CCSER1: variants seen among roughly 807,000 people sequenced by gnomAD.
CCSER1 encodes serine-rich coiled-coil domain-containing protein 1.
A neutral mutation model predicts 82.0 loss-of-function variants in CCSER1; 41 were observed. The ratio of observed to expected loss-of-function variants is 0.50; its 90% CI spans 0.39 to 0.65. CCSER1 has a LOEUF of 0.65. CCSER1 is among the 30% of genes least tolerant of loss of function. The probability of loss-of-function intolerance (pLI) is 0.00; values close to 1 mark genes in which losing one functional copy is unlikely to be tolerated. For synonymous variants in CCSER1, 414 were observed against 383.9 expected (o/e 1.08, Z -0.92); for missense variants, 1,119 against 1,064.2 (o/e 1.05, Z -0.72).
At chr4:91,325,065 G>A in intron 10 of CCSER1, 1 of 422,042 alleles carries the variant, frequency 2.4e-6, no homozygotes, top group South Asian at 1.7e-5. Flanking sequence ...GGGGCAAGGG[G>A]CTTGGGGCCC....
chr4:91,086,489 T>C (rs982582657), intron 10 of CCSER1, among the ~76,000 whole-genome samples: 5 of 152,072 alleles, frequency 3.3e-5, no homozygotes, highest in African/African-American at 1.2e-4. Context: ...TAACTGAATG[T>C]GAAGACTTAA....
intron 7 of CCSER1, among the ~76,000 whole-genome samples, chr4:90,756,856 A>G (rs1749611311): frequency 6.6e-6 from 1 of 152,200 alleles, no homozygotes; most frequent in South Asian, 2.1e-4. Context: ...TTCATGAAGT[A>G]CTTCTTGAAA....
At chr4:90,643,831 A>G (rs13140506) in intron 6 of CCSER1, among the ~76,000 whole-genome samples, 20,130 of 152,122 alleles carry the variant, frequency 0.13, 1,765 homozygotes, top group East Asian at 0.33. Context: ...AATCATATAA[A>G]TGTTGTTGTA....
chr4:90,463,178 T>C (rs940254543), intron 4 of CCSER1, among the ~76,000 whole-genome samples: 1 of 152,248 alleles, frequency 6.6e-6, no homozygotes, highest in African/African-American at 2.4e-5. Flanking sequence ...AATAATGTGG[T>C]TGTAAAACCA....
At chr4:91,428,201 A>G (rs1201104717) in intron 10 of CCSER1, among the ~76,000 whole-genome samples, 1 of 152,006 alleles carries the variant, frequency 6.6e-6, no homozygotes, top group African/African-American at 2.4e-5. Flanking sequence ...TCATCCATCC[A>G]CTTACAATAT....
At chr4:91,085,869 A>C (rs1439143165) in intron 9 of CCSER1, 81 bp from the exon 10 acceptor site, 2 of 818,488 alleles carry the variant, frequency 2.4e-6, no homozygotes, top group Non-Finnish European at 4.0e-6. Flanking sequence ...TATTTCCTTT[A>C]TTTCAAAATT....
intron 10 of CCSER1, among the ~76,000 whole-genome samples, chr4:91,588,652 T>G (rs1024395367): frequency 6.6e-6 from 1 of 151,784 alleles, no homozygotes; most frequent in Non-Finnish European, 1.5e-5. Context: ...AGTATTCTTT[T>G]GATGTTTTAA....
At chr4:90,907,905 A>G (rs540519771) in intron 8 of CCSER1, among the ~76,000 whole-genome samples, 3 of 152,228 alleles carry the variant, frequency 2.0e-5, no homozygotes, top group Non-Finnish European at 4.4e-5. Context: ...TTAACTTCCA[A>G]TAGCAAATGT....
At position 90,923,449 on chromosome 4, in the gene CCSER1, T is replaced by A; in HGVS notation, c.2172+2T>A. The A allele has an allele frequency of 6.5e-7, 1 of 1,546,328 alleles. No individual in the cohort carries two copies. The highest frequency in any genetic ancestry group is 8.8e-7 in the Non-Finnish European group (1 of 1,142,256). On this transcript the variant is annotated splice_donor_variant, in intron 9 of 10. Transcript: ENST00000509176. LOFTEE classifies it high-confidence loss of function. ...CAGACTGAACTACTATGCTATGATGTAAGTAGCTCTGTAAAACCATTTTTA... is the reference window on the plus strand; with the variant it reads ...CAGACTGAACTACTATGCTATGATGAAAGTAGCTCTGTAAAACCATTTTTA...
chr4:91,599,205 A>G lies in CCSER1; in HGVS notation c.*148A>G. 9.6e-7 allele frequency: 1 copy of G among 1,042,308 alleles called. No individual in the cohort carries two copies. 64.6% of individuals were successfully genotyped at this position (1,042,308 alleles called of 1,614,324 possible). On this transcript the variant is annotated 3_prime_UTR_variant, in exon 11 of 11. Transcript: ENST00000509176. Reference sequence around the variant, plus strand: ...TGGGTTTTTTTTCTTAGTCATAAACAAAGACTTGTGGGTTTTTTTTTTCCA... The same window carrying G: ...TGGGTTTTTTTTCTTAGTCATAAACGAAGACTTGTGGGTTTTTTTTTTCCA...
chr4:90,662,352 A>G (rs1481773885), intron 6 of CCSER1, among the ~76,000 whole-genome samples: 1 of 151,972 alleles, frequency 6.6e-6, no homozygotes. Flanking sequence ...GAAAACATTA[A>G]TGTTCTGATA....
intron 10 of CCSER1, among the ~76,000 whole-genome samples, chr4:91,518,079 C>T (rs774153993): frequency 3.9e-5 from 6 of 152,318 alleles, no homozygotes; most frequent in Non-Finnish European, 5.9e-5. Context: ...ACTCCTCTTT[C>T]TCTTGAGTGC....
chr4:91,088,546 T>C (rs918084007), intron 10 of CCSER1, among the ~76,000 whole-genome samples: 2 of 152,184 alleles, frequency 1.3e-5, no homozygotes, highest in Admixed American at 6.5e-5. Context: ...GAAATAGAGA[T>C]AGGTAACACC....
At chr4:91,260,905 C>T (rs541639425) in intron 10 of CCSER1, among the ~76,000 whole-genome samples, 28 of 152,160 alleles carry the variant, frequency 1.8e-4, no homozygotes, top group Admixed American at 1.5e-3. Context: ...GGACTACAGG[C>T]GCCCGCTACC....
intron 10 of CCSER1, among the ~76,000 whole-genome samples, chr4:91,170,897 C>G (rs916112025): frequency 3.3e-5 from 5 of 152,190 alleles, no homozygotes; most frequent in Admixed American, 6.5e-5. Flanking sequence ...GTTATATGAT[C>G]TTTATCTTCC....
chr4:91,026,988 A>C (rs1162935092), intron 9 of CCSER1, among the ~76,000 whole-genome samples: 2 of 152,018 alleles, frequency 1.3e-5, no homozygotes, highest in African/African-American at 2.4e-5. Flanking sequence ...ATAATTTTTA[A>C]AACAAAAATT....
At chr4:91,502,428 A>G (rs1759257030) in intron 10 of CCSER1, among the ~76,000 whole-genome samples, 2 of 152,182 alleles carry the variant, frequency 1.3e-5, no homozygotes, top group Admixed American at 6.5e-5. Flanking sequence ...TAAATCAAAC[A>G]TATTCTTGGC....
At position 90,142,317 on chromosome 4, in the gene CCSER1, C is replaced by T. The variant is rs535561327; in HGVS notation, c.-42+14486C>T. Among the ~76,000 whole-genome samples the T allele has an allele frequency of 2.6e-5, 4 of 152,302 alleles. No homozygotes were observed. The South Asian group carries it at 8.3e-4, about 32-fold the overall frequency. ...ACAGGCCTAAGTCCATGAAACCTTC[C>T]ATGACGACTTTAACCCTCCTGGGGA... On this transcript the variant is annotated intron_variant, in intron 1 of 10. Transcript: ENST00000509176.
chr4:91,190,752 A>C (rs1242614729), intron 10 of CCSER1, among the ~76,000 whole-genome samples: 1 of 152,204 alleles, frequency 6.6e-6, no homozygotes, highest in African/African-American at 2.4e-5. Flanking sequence ...TACGGTTTCA[A>C]AATATTATTC....
Sources: allele counts gnomAD v4.1 joint callset (sites outside exome capture counted in the v4.1 genomes callset), GRCh38; gene constraint gnomAD v4.1.1; transcripts MANE v1.5; gene names NCBI Gene and HGNC (gene_info 2026-07-23, HGNC 2026-07-21).